The following CNIH3 variants were observed in gnomAD, a reference collection of about 807,000 sequenced individuals.
The protein encoded by CNIH3 is protein cornichon homolog 3.
Under a neutral mutation model 24.1 loss-of-function variants are expected in CNIH3, and 14 were observed. The observed-to-expected ratio is 0.58, with a 90% CI of 0.38 to 0.91. CNIH3 has a LOEUF of 0.91. CNIH3 is among the 40% of genes least tolerant of loss of function. CNIH3 has a pLI of 0.00. For synonymous variants in CNIH3, 68 were observed against 73.8 expected, an observed-to-expected ratio of 0.92 and a Z score of 0.40; for missense variants, 178 against 196.8, an observed-to-expected ratio of 0.90 and a Z score of 0.57.
intron 3 of CNIH3, among the ~76,000 whole-genome samples, chr1:224,564,863 C>T (rs1680517369): frequency 6.6e-6 from 1 of 152,218 alleles, no homozygotes; most frequent in Admixed American, 6.5e-5. Context: ...TGGATAGATA[C>T]AGCTCAATTG....
intron 4 of CNIH3, among the ~76,000 whole-genome samples, chr1:224,572,082 G>C (rs1208562651): frequency 1.3e-5 from 2 of 152,212 alleles, no homozygotes; most frequent in Admixed American, 1.3e-4. Context: ...GGTTGTATAA[G>C]GAAGATATCT....
chr1:224,540,084 C>T (rs1679454373), downstream of CNIH3, among the ~76,000 whole-genome samples: 1 of 152,152 alleles, frequency 6.6e-6, no homozygotes. Flanking sequence ...TGAAGTATGT[C>T]TCATAGCTTC....
chr1:224,508,536 T>C (rs1446906830), intron 1 of CNIH3, among the ~76,000 whole-genome samples: 3 of 152,242 alleles, frequency 2.0e-5, no homozygotes. Flanking sequence ...TGATAAAATA[T>C]TGCTGTAACT....
At chr1:224,521,784 G>A (rs1678643879) in intron 2 of CNIH3, among the ~76,000 whole-genome samples, 1 of 152,180 alleles carries the variant, frequency 6.6e-6, no homozygotes, top group Admixed American at 6.5e-5. Context: ...CTTGAGACCG[G>A]TATGCAGCTG....
At chr1:224,538,689 C>A (rs2124944329), downstream of CNIH3, among the ~76,000 whole-genome samples, 1 of 149,402 alleles carries the variant, frequency 6.7e-6, no homozygotes, top group South Asian at 2.1e-4. Flanking sequence ...GAGACAGGGT[C>A]TTGCGTGTTG....
intron 3 of CNIH3, among the ~76,000 whole-genome samples, chr1:224,722,658 G>T (rs545270584): frequency 1.3e-5 from 2 of 152,296 alleles, no homozygotes; most frequent in African/African-American, 4.8e-5. Context: ...TACTGCGTCT[G>T]AAACTTGGGG....
At chr1:224,523,263 C>G (rs1678714367) in intron 2 of CNIH3, among the ~76,000 whole-genome samples, 1 of 151,714 alleles carries the variant, frequency 6.6e-6, no homozygotes, top group Non-Finnish European at 1.5e-5. Context: ...TTCTTAGCAA[C>G]ATTGTTTATA....
At chr1:224,445,192 G>A (rs899281696) in intron 1 of CNIH3, among the ~76,000 whole-genome samples, 1 of 152,066 alleles carries the variant, frequency 6.6e-6, no homozygotes, top group Non-Finnish European at 1.5e-5. Context: ...CTACATATAT[G>A]TATGTCTATA....
rs1019846643 is a variant in CNIH3 at position 224,739,010 on chromosome 1, C to T, written c.456-319C>T. Among the ~76,000 whole-genome samples, 14 of 152,262 alleles carry T rather than the reference C, an allele frequency of 9.2e-5. No individual in the cohort carries two copies. The East Asian group carries it at 2.3e-3, about 25-fold the overall frequency. On this transcript the variant is annotated intron_variant, in intron 5 of 5. Transcript: ENST00000272133. ...CTGCACCCCCACCTCCACCCCCAGA[C>T]CTGCCCTGCAATTGCACAAAAAGGA...
Position 224,480,638 on chromosome 1 carries a change from C to T in CNIH3, n.204-35103C>T, listed in dbSNP as rs117158182. The stretch of plus-strand genomic sequence containing the variant: ...ATCATCTCTCTCAAATTCAAAGTTC[C>T]AAAAATCTCTAGGGCAGGGGCGAAA... On this transcript the variant is annotated intron_variant and non_coding_transcript_variant, in intron 1 of 5. Coordinates refer to the CNIH3 transcript ENST00000471578. 8.1e-4 allele frequency among the ~76,000 whole-genome samples: 123 copies of T among 152,224 alleles called. 1 individual carries two copies. The East Asian group carries it at 0.02, about 25-fold the overall frequency.
chr1:224,717,978 C>A (rs550104758), intron 3 of CNIH3, among the ~76,000 whole-genome samples: 1 of 152,100 alleles, frequency 6.6e-6, no homozygotes, highest in African/African-American at 2.4e-5. Flanking sequence ...GTGTGGGGAA[C>A]GACCAAAGGA....
intron 4 of CNIH3, among the ~76,000 whole-genome samples, chr1:224,733,917 G>C (rs1689462564): frequency 6.6e-6 from 1 of 152,184 alleles, no homozygotes; most frequent in African/African-American, 2.4e-5. Context: ...CAGGGGCTGT[G>C]GCCAGGTGAG....
At chr1:224,706,867 C>G (rs1687838186) in intron 3 of CNIH3, among the ~76,000 whole-genome samples, 1 of 151,348 alleles carries the variant, frequency 6.6e-6, no homozygotes, top group Admixed American at 6.6e-5. Context: ...ATCCTATTGA[C>G]TTTTCATTAT....
At chr1:224,464,643 A>G (rs1436707829) in intron 1 of CNIH3, among the ~76,000 whole-genome samples, 1 of 151,988 alleles carries the variant, frequency 6.6e-6, no homozygotes, top group African/African-American at 2.4e-5. Flanking sequence ...TTATGTATGG[A>G]TCTATTTCTG....
chr1:224,691,473 C>T (rs1245913766), intron 3 of CNIH3, among the ~76,000 whole-genome samples: 2 of 152,258 alleles, frequency 1.3e-5, no homozygotes, highest in Non-Finnish European at 2.9e-5. Flanking sequence ...TCCTGTGTTC[C>T]CTTCCGAAAT....
At chr1:224,639,947 A>G (rs1362540529) in intron 1 of CNIH3, among the ~76,000 whole-genome samples, 1 of 152,124 alleles carries the variant, frequency 6.6e-6, no homozygotes, top group Non-Finnish European at 1.5e-5. Flanking sequence ...ACCTCCATGT[A>G]TTGAGTTATG....
At chr1:224,733,726 C>G (rs953866905) in intron 4 of CNIH3, among the ~76,000 whole-genome samples, 1 of 152,138 alleles carries the variant, frequency 6.6e-6, no homozygotes, top group Non-Finnish European at 1.5e-5. Context: ...GTGGCTTTAC[C>G]AGAATGACTG....
intron 3 of CNIH3, among the ~76,000 whole-genome samples, chr1:224,557,551 C>T (rs146904562): frequency 0.022 from 3,360 of 152,222 alleles, 132 homozygotes; most frequent in African/African-American, 0.076. Flanking sequence ...CTGCAACCTC[C>T]ACCTCCCCGG....
At chr1:224,574,266 C>T (rs562939802) in intron 4 of CNIH3, among the ~76,000 whole-genome samples, 145 of 152,256 alleles carry the variant, frequency 9.5e-4, no homozygotes, top group South Asian at 5.6e-3. Context: ...TCCCACTTAC[C>T]GGCTTTGCAA....
Sources: gnomAD v4.1 joint callset for allele counts (sites outside exome capture counted in the v4.1 genomes callset) on GRCh38, gnomAD v4.1.1 for gene constraint, MANE v1.5 for transcripts, NCBI Gene and HGNC (gene_info 2026-07-23, HGNC 2026-07-21) for gene names.